PECAM1: variants seen among roughly 807,000 people sequenced by gnomAD.
PECAM1 encodes the protein platelet endothelial cell adhesion molecule.
Under a neutral mutation model 13.8 loss-of-function variants are expected in PECAM1, and 8 were observed. That is an observed-to-expected ratio of 0.58 (90% confidence interval 0.34 to 1.05). PECAM1 has a LOEUF of 1.05. Among genes scored for constraint, PECAM1 ranks in the 50% least tolerant of loss-of-function variants. The pLI is 0.03. For synonymous variants in PECAM1, 136 were observed against 52.6 expected (o/e 2.58, Z -6.86); for missense variants, 304 against 141.2 (o/e 2.15, Z -5.84).
intron 7 of PECAM1, among the ~76,000 whole-genome samples, chr17:64,358,257 T>A (rs1185689499): frequency 3.3e-5 from 5 of 151,904 alleles, no homozygotes; most frequent in African/African-American, 4.8e-5. Flanking sequence ...TAGCTGGGGC[T>A]ACAGGCACCC....
At chr17:64,377,615 A>ACAAAG in intron 3 of PECAM1, 1 of 365,060 alleles carries the variant, frequency 2.7e-6, no homozygotes, top group Non-Finnish European at 4.9e-6. Context: ...CATCAAAGAA[A>ACAAAG]GAAAGGAAGG....
intron 5 of PECAM1, among the ~76,000 whole-genome samples, chr17:64,368,935 T>TC (rs2036174964): frequency 9.5e-6 from 1 of 104,716 alleles, no homozygotes; most frequent in Non-Finnish European, 2.1e-5. Context: ...TCATTTCTTT[T>TC]TTTTTTTTTT....
chr17:64,322,342 C>G lies in PECAM1; in HGVS notation c.*1474G>C, dbSNP rs1232390895. On this transcript the variant is annotated 3_prime_UTR_variant, in exon 16 of 16. Transcript: ENST00000563924. ...CGGAGGTTGCAGTGAGCAGAGGTTG[C>G]GCCGCTGCAGTCCAGCCCGGGCAAC... The G allele has an allele frequency of 1.5e-5, 13 of 846,762 alleles. No homozygotes were observed. The highest frequency in any genetic ancestry group is 1.8e-5 in the Non-Finnish European group (13 of 702,958). The allele number at this position is 846,762 out of a possible 1,614,324, so 52.5% of individuals were successfully genotyped here. A position where few individuals can be genotyped will look rare whatever the true frequency, so the allele number is the denominator to read the frequency against.
rs1046291707 is a variant in PECAM1 at position 64,378,094 on chromosome 17, T to C, written c.115A>G (p.Met39Val). The change falls in exon 3 of 16, where the codon ATG becomes GTG. Residue 39 changes from methionine (M) to valine (V), a missense_variant. By Grantham distance (21) the Met-to-Val change is conservative. Coordinates refer to ENST00000563924, the MANE Select transcript of PECAM1 (RefSeq NM_000442.5). The part of the protein sequence containing the change: ...ENSFTINSVD[M>V]KSLPDWTVQN... ...ACCGTCCAGTCCGGCAGGCTCTTCA[T>C]GTCAACACTGTTGATTGTGAAAGCT... is the stretch of plus-strand genomic sequence containing the variant. The C allele has an allele frequency of 1.9e-5, 9 of 475,082 alleles. No individual in the cohort carries two copies. Among genetic ancestry groups the C allele is most frequent in the African/African-American group, 1.6e-4 (8 of 50,464 alleles). The allele number at this position is 475,082 out of a possible 1,614,324, so 29.4% of individuals were successfully genotyped here.
intron 3 of PECAM1, among the ~76,000 whole-genome samples, chr17:64,376,683 A>G (rs2036367188): frequency 6.6e-6 from 1 of 152,194 alleles, no homozygotes; most frequent in African/African-American, 2.4e-5. Context: ...AGTGAAATAG[A>G]ATATTTGTGG....
In PECAM1 at chr17:64,321,483, G is replaced by A; in HGVS notation, c.*2333C>T. On this transcript the variant is annotated 3_prime_UTR_variant, in exon 16 of 16. Coordinates refer to ENST00000563924, the MANE Select transcript of PECAM1 (RefSeq NM_000442.5). ...ACTCATGTGTGCTCCACAGGCCGGG[G>A]GCGGTGGCTCATGCCTGCAATCCCA... 2 of 998,898 alleles carry A rather than the reference G, an allele frequency of 2.0e-6. No individual in the cohort carries two copies. Among genetic ancestry groups the A allele is most frequent in the Non-Finnish European group, 2.4e-6 (2 of 836,644 alleles). The allele number at this position is 998,898 out of a possible 1,614,324, so 61.9% of individuals were successfully genotyped here.
intron 7 of PECAM1, among the ~76,000 whole-genome samples, chr17:64,359,763 T>A (rs2035930538): frequency 1.3e-5 from 2 of 151,926 alleles, no homozygotes; most frequent in Admixed American, 1.3e-4. Flanking sequence ...TCTCGCTTTT[T>A]TTTTTTTTAG....
In PECAM1 at chr17:64,321,479, C is replaced by CG; in HGVS notation, c.*2336dup. On this transcript the variant is annotated 3_prime_UTR_variant, in exon 16 of 16. Coordinates refer to ENST00000563924, the MANE Select transcript of PECAM1 (RefSeq NM_000442.5). ...TTAAACTCATGTGTGCTCCACAGGC[C>CG]GGGGGCGGTGGCTCATGCCTGCAAT... is the stretch of plus-strand genomic sequence containing the variant. 1 of 998,230 alleles carries CG rather than the reference C, an allele frequency of 1.0e-6. No homozygotes were observed. The highest frequency in any genetic ancestry group is 1.2e-6 in the Non-Finnish European group (1 of 836,384). The allele number at this position is 998,230 out of a possible 1,614,324, so 61.8% of individuals were successfully genotyped here. A position where few individuals can be genotyped will look rare whatever the true frequency, so the allele number is the denominator to read the frequency against.
In PECAM1 at chr17:64,369,886, C is replaced by T. The variant is rs1027002366; in HGVS notation, c.831G>A (p.Ala277=). Residue 277 remains alanine (A), a synonymous_variant, in exon 5 of 16, where the codon GCG becomes GCA. Coordinates refer to ENST00000563924, the MANE Select transcript of PECAM1 (RefSeq NM_000442.5). The part of the protein sequence containing the change: ...FPEIIIQKDK[A]IVAHNRHGNK... ...TGCCATGTCTGTTGTGGGCCACAAT[C>T]GCCTTGTCCTTCTGAATTATGATTT... is the stretch of plus-strand genomic sequence containing the variant. 6 of 398,548 alleles carry T rather than the reference C, an allele frequency of 1.5e-5. No homozygotes were observed. The highest frequency in any genetic ancestry group is 2.7e-5 in the Non-Finnish European group (6 of 226,118). 24.7% of individuals were successfully genotyped at this position (398,548 alleles called of 1,614,324 possible). A position where few individuals can be genotyped will look rare whatever the true frequency, so the allele number is the denominator to read the frequency against.
intron 14 of PECAM1, among the ~76,000 whole-genome samples, chr17:64,338,747 C>T (rs1231403264): frequency 6.6e-6 from 1 of 151,822 alleles, no homozygotes; most frequent in East Asian, 1.9e-4. Flanking sequence ...TTAGTAGAGA[C>T]GGGGTTTCAC....
At chr17:64,351,045 T>C (rs1015432594) in intron 11 of PECAM1, among the ~76,000 whole-genome samples, 5 of 151,980 alleles carry the variant, frequency 3.3e-5, no homozygotes, top group Non-Finnish European at 7.4e-5. Context: ...CCCAGCTAAT[T>C]TTTTGTATTT....
In PECAM1 at chr17:64,361,778, T is replaced by TA. The variant is rs1238932278; in HGVS notation, c.1217-1364dup. ...CAAAAAAAAAAAAAAAAAAAAAAGA[T>TA]AAAAAAAGTCTTCTTAGTGCTTCAG... On this transcript the variant is annotated intron_variant, in intron 6 of 15. Transcript: ENST00000563924. 3.5e-3 allele frequency among the ~76,000 whole-genome samples: 345 copies of TA among 99,454 alleles called. 2 individuals are homozygous for TA. The highest frequency in any genetic ancestry group is 0.011 in the African/African-American group (331 of 30,134). The allele number at this position is 99,454 out of a possible 152,430, so 65.2% of individuals were successfully genotyped here.
At chr17:64,364,476 C>T (rs1356698530) in intron 5 of PECAM1, among the ~76,000 whole-genome samples, 1 of 152,128 alleles carries the variant, frequency 6.6e-6, no homozygotes, top group African/African-American at 2.4e-5. Flanking sequence ...GATGATGAGG[C>T]CAGCATCATC....
At chr17:64,367,709 T>G (rs1449915348) in intron 5 of PECAM1, among the ~76,000 whole-genome samples, 1 of 152,186 alleles carries the variant, frequency 6.6e-6, no homozygotes, top group South Asian at 2.1e-4. Context: ...GGTCTAGTTA[T>G]GTCTATGAAT....
chr17:64,347,742 A>ATT (rs1555649488), intron 13 of PECAM1, among the ~76,000 whole-genome samples: 37 of 144,468 alleles, frequency 2.6e-4, no homozygotes, highest in African/African-American at 6.6e-4. Flanking sequence ...ATATATATAT[A>ATT]TTTTTTGAGA....
rs386627305 is a variant in PECAM1, at chr17:64,377,617, AAAGGAAGG to A, written c.385+199_385+206del. The A allele has an allele frequency of 8.5e-4, 214 of 252,252 alleles. 4 individuals are homozygous for A. The East Asian group carries it at 0.012, about 14-fold the overall frequency. 15.6% of individuals were successfully genotyped at this position (252,252 alleles called of 1,614,324 possible). A position where few individuals can be genotyped will look rare whatever the true frequency, so the allele number is the denominator to read the frequency against. On this transcript the variant is annotated intron_variant, in intron 3 of 15. Coordinates refer to ENST00000563924, the MANE Select transcript of PECAM1 (RefSeq NM_000442.5). ...CAGAGTGAGACTCCATCAAAGAAAGAAAGGAAGGAAGGAAGGAAGGAAGGGCCTGGCCT... is the reference window on the plus strand; with the variant it reads ...CAGAGTGAGACTCCATCAAAGAAAGAAAGGAAGGAAGGAAGGGCCTGGCCT...
intron 13 of PECAM1, among the ~76,000 whole-genome samples, chr17:64,345,111 C>A (rs895404573): frequency 2.7e-4 from 41 of 152,222 alleles, no homozygotes; most frequent in Non-Finnish European, 5.9e-5. Context: ...CTCTGCCTCC[C>A]AAAGTGCTGG....
intron 2 of PECAM1, among the ~76,000 whole-genome samples, chr17:64,384,360 C>T (rs1353239799): frequency 1.3e-5 from 2 of 152,130 alleles, no homozygotes; most frequent in African/African-American, 4.8e-5. Flanking sequence ...CAACCACCAC[C>T]ACCTCCCTTG....
chr17:64,386,185 A>G (rs1252661741), intron 2 of PECAM1, among the ~76,000 whole-genome samples: 1 of 152,186 alleles, frequency 6.6e-6, no homozygotes, highest in African/African-American at 2.4e-5. Flanking sequence ...CAGGTGGATC[A>G]CTTAAGGTCA....
Sources: gnomAD v4.1 joint callset for allele counts (sites outside exome capture counted in the v4.1 genomes callset) on GRCh38, gnomAD v4.1.1 for gene constraint, MANE v1.5 for transcripts, NCBI Gene and HGNC (gene_info 2026-07-23, HGNC 2026-07-21) for gene names.